Variants in RAB12 observed in about 807,000 individuals in gnomAD.
RAB12 encodes RAB12, member RAS oncogene family.
In RAB12, 11 loss-of-function variants were observed where a neutral mutation model predicts 28.4. The ratio of observed to expected loss-of-function variants is 0.39; its 90% confidence interval spans 0.24 to 0.64. The LOEUF (loss-of-function observed/expected upper bound fraction) is 0.64. Ranked by LOEUF, RAB12 falls within the 30% of genes least tolerant of loss-of-function variation. The pLI is 0.50. For missense variants in RAB12, 276 were observed against 351.1 expected (o/e 0.79, Z 1.71); for synonymous variants, 138 against 145.3 (o/e 0.95, Z 0.36).
At chr18:8,627,191 T>G (rs2148709809) in intron 2 of RAB12, among the ~76,000 whole-genome samples, 2 of 152,358 alleles carry the variant, frequency 1.3e-5, no homozygotes, top group South Asian at 4.1e-4. Flanking sequence ...TGGTGTAACC[T>G]GCTTTGTTGT....
intron 1 of RAB12, among the ~76,000 whole-genome samples, chr18:8,610,272 C>T (rs948126684): frequency 2.6e-5 from 4 of 152,174 alleles, no homozygotes; most frequent in Non-Finnish European, 4.4e-5. Context: ...AAGCTGGGTT[C>T]GAGTGGAGCG....
intron 1 of RAB12, among the ~76,000 whole-genome samples, chr18:8,622,433 C>T (rs189879687): frequency 1.2e-4 from 19 of 152,250 alleles, no homozygotes; most frequent in Admixed American, 6.5e-4. Context: ...CCAGGGGAGA[C>T]GTCACATGTC....
intron 1 of RAB12, among the ~76,000 whole-genome samples, chr18:8,610,328 C>G (rs1052577427): frequency 6.6e-6 from 1 of 152,246 alleles, no homozygotes; most frequent in Non-Finnish European, 1.5e-5. Flanking sequence ...TCGCCCGGCC[C>G]GCCAAGGCCA....
Position 8,622,850 on chromosome 18 carries a change from G to A in RAB12, c.515-2088G>A, listed in dbSNP as rs185014513. 4.8e-3 allele frequency among the ~76,000 whole-genome samples: 727 copies of A among 152,280 alleles called. 4 individuals are homozygous for A. Among genetic ancestry groups the A allele is most frequent in the African/African-American group, 0.017 (692 of 41,554 alleles). On this transcript the variant is annotated intron_variant, in intron 1 of 5. Transcript: ENST00000649141. ...ACCCCGTAGACCTACCCCCAGGCGA[G>A]TATTCTCTTTCCCAGGGATGTTCCT...
At chr18:8,623,222 A>G (rs1396451096) in intron 1 of RAB12, among the ~76,000 whole-genome samples, 5 of 152,214 alleles carry the variant, frequency 3.3e-5, no homozygotes, top group African/African-American at 7.2e-5. Flanking sequence ...AATCTTCACA[A>G]TTTATGTTTA....
In RAB12 at chr18:8,625,031, TG is replaced by T. The variant is rs763656281; in HGVS notation, c.575+34del. On this transcript the variant is annotated intron_variant, in intron 2 of 5. Transcript: ENST00000649141. ...GGAGAGTGTGCACCCAGTAATGTGC[TG>T]TGTGTGTTTAACAGTCCATGTACTT... 3.0e-5 allele frequency: 41 copies of T among 1,388,666 alleles called. No homozygotes were observed. In the East Asian group the frequency reaches 9.4e-4, roughly 32 times the overall value. The allele number at this position is 1,388,666 out of a possible 1,614,324, so 86.0% of individuals were successfully genotyped here.
At chr18:8,632,572 C>T (rs1306109911) in intron 2 of RAB12, among the ~76,000 whole-genome samples, 1 of 152,126 alleles carries the variant, frequency 6.6e-6, no homozygotes, top group Non-Finnish European at 1.5e-5. Context: ...CCCACGCCTG[C>T]CCCCAGCACT....
chr18:8,610,186 G>A (rs1034736431), intron 1 of RAB12: 3 of 429,684 alleles, frequency 7.0e-6, no homozygotes, highest in Non-Finnish European at 4.2e-6. Flanking sequence ...CTGCCTCAGA[G>A]GTCCTGGCAG....
chr18:8,629,780 C>G (rs930069683), intron 2 of RAB12, among the ~76,000 whole-genome samples: 7 of 152,174 alleles, frequency 4.6e-5, no homozygotes, highest in Non-Finnish European at 1.0e-4. Context: ...GGGACCCAGT[C>G]CCACAGGTGC....
chr18:8,631,588 G>A (rs1236843896), intron 2 of RAB12, among the ~76,000 whole-genome samples: 2 of 152,204 alleles, frequency 1.3e-5, no homozygotes, highest in Non-Finnish European at 2.9e-5. Context: ...CCGGTTCCCA[G>A]CACATCTTCA....
rs559591542 is a variant in RAB12 at position 8,623,318 on chromosome 18, C to T, written c.515-1620C>T. On this transcript the variant is annotated intron_variant, in intron 1 of 5. Transcript: ENST00000649141. ...ATGTCCATGAAATCTTCACAATCCA[C>T]GTTCTTCTGCCATGGCTTCAGCTGG... is the stretch of plus-strand genomic sequence containing the variant. 1.2e-3 allele frequency among the ~76,000 whole-genome samples: 179 copies of T among 152,312 alleles called. 2 individuals are homozygous for T. The highest frequency in any genetic ancestry group is 6.8e-3 in the Middle Eastern group (2 of 294).
intron 1 of RAB12, among the ~76,000 whole-genome samples, chr18:8,621,937 T>G (rs1169234028): frequency 6.6e-6 from 1 of 152,246 alleles, no homozygotes; most frequent in East Asian, 1.9e-4. Flanking sequence ...TGTTACCACT[T>G]ATTTCCTGAT....
At chr18:8,618,727 T>A (rs557654644) in intron 1 of RAB12, among the ~76,000 whole-genome samples, 9 of 152,296 alleles carry the variant, frequency 5.9e-5, no homozygotes, top group Non-Finnish European at 1.2e-4. Context: ...TTAGCCAGAA[T>A]GGTCTTGATC....
intron 2 of RAB12, among the ~76,000 whole-genome samples, chr18:8,628,184 A>C (rs988461776): frequency 3.3e-5 from 5 of 152,210 alleles, no homozygotes; most frequent in African/African-American, 1.2e-4. Context: ...CTTTTCATAG[A>C]AAGGTGAAAG....
intron 1 of RAB12, 114 bp from the exon 2 acceptor site, chr18:8,624,824 C>T (rs1215442597): frequency 1.8e-5 from 13 of 703,232 alleles, no homozygotes; most frequent in East Asian, 1.3e-4. Context: ...TGTCAGGTTT[C>T]GTGGGGTTTT....
chr18:8,634,812 T>C (rs1299854093), intron 3 of RAB12, among the ~76,000 whole-genome samples: 1 of 152,234 alleles, frequency 6.6e-6, no homozygotes, highest in African/African-American at 2.4e-5. Context: ...GTTCCTTTTG[T>C]TGCAGTCTGT....
At chr18:8,611,738 A>G (rs1348647523) in intron 1 of RAB12, among the ~76,000 whole-genome samples, 1 of 152,176 alleles carries the variant, frequency 6.6e-6, no homozygotes, top group Non-Finnish European at 1.5e-5. Flanking sequence ...GGGAATAAGG[A>G]AGAAACCAGG....
At chr18:8,615,083 G>A (rs2096006015) in intron 1 of RAB12, among the ~76,000 whole-genome samples, 1 of 152,206 alleles carries the variant, frequency 6.6e-6, no homozygotes, top group Non-Finnish European at 1.5e-5. Flanking sequence ...CACTGGTGGG[G>A]CCTCGGCCTG....
intron 1 of RAB12, among the ~76,000 whole-genome samples, chr18:8,619,444 C>T (rs1055805406): frequency 2.0e-5 from 3 of 152,238 alleles, no homozygotes; most frequent in African/African-American, 7.2e-5. Flanking sequence ...CTTACAAGCA[C>T]TAAGTCCAGG....
Sources: allele counts gnomAD v4.1 joint callset (sites outside exome capture counted in the v4.1 genomes callset), GRCh38; gene constraint gnomAD v4.1.1; transcripts MANE v1.5; gene names NCBI Gene and HGNC (gene_info 2026-07-23, HGNC 2026-07-21).